ETV1: variants seen among roughly 807,000 people sequenced by gnomAD.
ETV1 encodes the protein ETS translocation variant 1.
ETV1 carries 27 observed loss-of-function variants against 62.3 expected under a neutral mutation model. The ratio of observed to expected loss-of-function variants is 0.43; its 90% CI spans 0.32 to 0.60. The LOEUF is 0.60. Among genes scored for constraint, ETV1 ranks in the 20% least tolerant of loss-of-function variants. The pLI, the probability that ETV1 is intolerant of heterozygous loss-of-function variation, is 0.06. For missense variants in ETV1, 605 were observed against 605.8 expected (o/e 1.00, Z 0.01); for synonymous variants, 222 against 199.6 (o/e 1.11, Z -0.94).
intron 8 of ETV1, among the ~76,000 whole-genome samples, chr7:13,932,261 T>A (rs1375722438): frequency 1.3e-5 from 2 of 152,116 alleles, no homozygotes; most frequent in Non-Finnish European, 2.9e-5. Context: ...AAGAGAGGAA[T>A]GACTTTTTTC....
At position 13,893,722 on chromosome 7, in the gene ETV1, A is replaced by C. The variant is rs990303557; in HGVS notation, c.*2144T>G. The C allele has an allele frequency of 8.6e-6, 2 of 232,794 alleles. No homozygotes were observed. The highest frequency in any genetic ancestry group is 4.4e-5 in the African/African-American group (2 of 45,318). 14.4% of individuals were successfully genotyped at this position (232,794 alleles called of 1,614,324 possible). Reference sequence around the variant, plus strand: ...TTAAATTTTCTCCTTCAATTTCACCAAATCTCAATTATATATCTCAATTCC... The same window carrying C: ...TTAAATTTTCTCCTTCAATTTCACCCAATCTCAATTATATATCTCAATTCC... On this transcript the variant is annotated 3_prime_UTR_variant, in exon 14 of 14. Transcript: ENST00000430479.
chr7:13,934,185 C>G (rs1786513838), intron 8 of ETV1, among the ~76,000 whole-genome samples: 1 of 152,140 alleles, frequency 6.6e-6, no homozygotes, highest in African/African-American at 2.4e-5. Context: ...CACAGATGCA[C>G]ATACCATTGC....
At position 13,964,181 on chromosome 7, in the gene ETV1, A is replaced by C. The variant is rs183886621; in HGVS notation, c.235+13246T>G. On this transcript the variant is annotated intron_variant, in intron 6 of 13. Transcript: ENST00000430479. ...CTGTTGTGTTCATGAGGATGGAGAAAAACAACCCCAAACAGCAGTAAAAGT... is the reference window on the plus strand; with the variant it reads ...CTGTTGTGTTCATGAGGATGGAGAACAACAACCCCAAACAGCAGTAAAAGT... Among the ~76,000 whole-genome samples the C allele has an allele frequency of 2.0e-5, 3 of 152,256 alleles. No individual in the cohort carries two copies. The East Asian group carries it at 5.8e-4, about 29-fold the overall frequency.
chr7:13,986,231 C>T, intron 5 of ETV1: 1 of 1,553,028 alleles, frequency 6.4e-7, no homozygotes, highest in Non-Finnish European at 8.7e-7. Context: ...AGTCCTCCAC[C>T]AGAACACCAA....
intron 9 of ETV1, among the ~76,000 whole-genome samples, chr7:13,925,107 A>ATTGTCC (rs1785258302): frequency 6.6e-6 from 1 of 152,054 alleles, no homozygotes; most frequent in South Asian, 2.1e-4. Flanking sequence ...AGTATGCAGC[A>ATTGTCC]TTGTCCTTTA....
rs1394499626 is a variant in ETV1 at position 13,891,527 on chromosome 7, C to G, written c.*4339G>C. Reference sequence around the variant, plus strand: ...ATTAATATTTCTATAAAGATATCCACTTAGTCTAATCAAATTCTCCTCTTA... The same window carrying G: ...ATTAATATTTCTATAAAGATATCCAGTTAGTCTAATCAAATTCTCCTCTTA... On this transcript the variant is annotated 3_prime_UTR_variant, in exon 14 of 14. Transcript: ENST00000430479. 8.6e-6 allele frequency: 2 copies of G among 231,438 alleles called. No individual in the cohort carries two copies. Among genetic ancestry groups the G allele is most frequent in the African/African-American group, 4.4e-5 (2 of 45,218 alleles). 14.3% of individuals were successfully genotyped at this position (231,438 alleles called of 1,614,324 possible).
At chr7:13,975,562 C>CAAA (rs765452116) in intron 6 of ETV1, among the ~76,000 whole-genome samples, 1,614 of 41,082 alleles carry the variant, frequency 0.039, 21 homozygotes, top group Non-Finnish European at 0.066. Flanking sequence ...GACTCTGTCT[C>CAAA]AAAAAAAAAA....
Position 13,895,941 on chromosome 7 carries a change from A to G in ETV1, c.1359T>C (p.Phe453=). The G allele has an allele frequency of 6.2e-7, 1 of 1,613,772 alleles. No homozygotes were observed. The highest frequency in any genetic ancestry group is 8.5e-7 in the Non-Finnish European group (1 of 1,179,818). Residue 453 remains phenylalanine, a synonymous_variant, in exon 14 of 14, where the codon TTT becomes TTC. Coordinates refer to ENST00000430479, the MANE Select transcript of ETV1 (RefSeq NM_004956.5). ...CCGGCATGTAGGCCATGCTCTCATC[A>G]AAGTGAGAAAGAGGCACTGTGTCCT... The part of the protein sequence containing the change: ...NEEDTVPLSH[F]DESMAYMPEG...
chr7:13,989,033 T>G lies in ETV1; in HGVS notation c.20A>C (p.Gln7Pro). MDGFYD[Q>P]QVPYMVTNSQ... ...ATTGGTGACCATGTAAGGCACTTGC[T>G]GGTCATAAAATCCATCCATGCTGCT... Residue 7 changes from glutamine (Q) to proline (P), a missense_variant, in exon 3 of 14, where the codon CAG becomes CCG. Transcript: ENST00000430479. The G allele has an allele frequency of 6.2e-7, 1 of 1,607,138 alleles. No homozygotes were observed. Among genetic ancestry groups the G allele is most frequent in the Non-Finnish European group, 8.5e-7 (1 of 1,176,408 alleles).
At chr7:13,930,656 C>T (rs1020597118) in intron 9 of ETV1, among the ~76,000 whole-genome samples, 1 of 152,014 alleles carries the variant, frequency 6.6e-6, no homozygotes, top group Non-Finnish European at 1.5e-5. Flanking sequence ...GGAAACCCCA[C>T]TCCCCCACTT....
At chr7:13,938,470 G>C (rs896927946) in intron 7 of ETV1, among the ~76,000 whole-genome samples, 4 of 152,110 alleles carry the variant, frequency 2.6e-5, no homozygotes, top group South Asian at 2.1e-4. Flanking sequence ...ACTCAGTAGA[G>C]ACAGCCAACT....
At position 13,961,145 on chromosome 7, in the gene ETV1, C is replaced by CA. The variant is rs11368361; in HGVS notation, c.235+16281dup. Among the ~76,000 whole-genome samples the CA allele has an allele frequency of 1.7e-3, 235 of 136,794 alleles. 1 individual carries two copies. The East Asian group carries it at 0.032, about 19-fold the overall frequency. The allele number at this position is 136,794 out of a possible 152,430, so 89.7% of individuals were successfully genotyped here. A position where few individuals can be genotyped will look rare whatever the true frequency, so the allele number is the denominator to read the frequency against. The stretch of plus-strand genomic sequence containing the variant: ...TGGAAAACAGAGCAAGACCTCATCT[C>CA]AAAAAAAAAAGAAAAAAAAGAAAAA... On this transcript the variant is annotated intron_variant, in intron 6 of 13. Coordinates refer to ENST00000430479, the MANE Select transcript of ETV1 (RefSeq NM_004956.5).
chr7:13,987,986 G>T, intron 4 of ETV1, 100 bp downstream of exon 4: 1 of 698,706 alleles, frequency 1.4e-6, no homozygotes, highest in Non-Finnish European at 2.5e-6. Context: ...TAATTTCAAA[G>T]TTTATTATTT....
rs181846831 is a variant in ETV1, at chr7:13,942,062, C to T, written c.236-2816G>A. ...TTTTTGAGACGGAGTCTCACTCTTT[C>T]GCCCAGGCTGGAGTGCAGTGGCGCG... is the stretch of plus-strand genomic sequence containing the variant. On this transcript the variant is annotated intron_variant, in intron 6 of 13. Coordinates refer to ENST00000430479, the MANE Select transcript of ETV1 (RefSeq NM_004956.5). Among the ~76,000 whole-genome samples the T allele has an allele frequency of 2.7e-3, 345 of 129,162 alleles. 4 individuals are homozygous for T. In the East Asian group the frequency reaches 0.03, roughly 11 times the overall value. The allele number at this position is 129,162 out of a possible 152,430, so 84.7% of individuals were successfully genotyped here.
rs191055097 is a variant in ETV1, at chr7:13,970,496, G to T, written c.235+6931C>A. Among the ~76,000 whole-genome samples the T allele has an allele frequency of 2.4e-3, 360 of 152,062 alleles. 4 individuals are homozygous for T. Among genetic ancestry groups the T allele is most frequent in the Non-Finnish European group, 1.5e-3 (105 of 67,990 alleles). On this transcript the variant is annotated intron_variant, in intron 6 of 13. Coordinates refer to ENST00000430479, the MANE Select transcript of ETV1 (RefSeq NM_004956.5). ...CATGTTTAAATATGCCTCAAAAAAA[G>T]TTTTAAATCTTTTTGAAATTGAAAA...
In ETV1 at chr7:13,987,059, G is replaced by C. The variant is rs148092461; in HGVS notation, c.134-374C>G. 4.4e-3 allele frequency: 835 copies of C among 188,748 alleles called. 8 individuals are homozygous for C. The highest frequency in any genetic ancestry group is 0.019 in the African/African-American group (787 of 41,562). 11.7% of individuals were successfully genotyped at this position (188,748 alleles called of 1,614,324 possible). A position where few individuals can be genotyped will look rare whatever the true frequency, so the allele number is the denominator to read the frequency against. ...TTAACTCTTGCTAAAATAGTAGTAG[G>C]GGGAAGATTAGAAAGACTGAAAAGC... On this transcript the variant is annotated intron_variant, in intron 4 of 13. Transcript: ENST00000430479.
At chr7:13,986,059 T>C (rs952068957) in intron 5 of ETV1, 3 of 1,282,980 alleles carry the variant, frequency 2.3e-6, no homozygotes, top group Non-Finnish European at 3.3e-6. Context: ...ATTTTTAAAA[T>C]CCTCATATCT....
intron 11 of ETV1, among the ~76,000 whole-genome samples, chr7:13,907,385 G>A (rs1454290106): frequency 6.6e-6 from 1 of 151,974 alleles, no homozygotes; most frequent in African/African-American, 2.4e-5. Flanking sequence ...ATGCATGCAC[G>A]AGAGATTTCT....
chr7:13,981,443 C>G (rs1339971620), intron 5 of ETV1, among the ~76,000 whole-genome samples: 2 of 152,060 alleles, frequency 1.3e-5, no homozygotes, highest in Non-Finnish European at 2.9e-5. Context: ...TTTTATTGCT[C>G]TGTCTCAGAG....
Sources: gnomAD v4.1 joint callset for allele counts (sites outside exome capture counted in the v4.1 genomes callset) on GRCh38, gnomAD v4.1.1 for gene constraint, MANE v1.5 for transcripts, NCBI Gene and HGNC (gene_info 2026-07-23, HGNC 2026-07-21) for gene names.